The following TRPC4 variants were observed in gnomAD, a reference collection of about 807,000 sequenced individuals.
The protein encoded by TRPC4 is transient receptor potential cation channel subfamily C member 4, also known as short transient receptor potential channel 4.
TRPC4 carries 49 observed loss-of-function variants against 99.4 expected under a neutral mutation model. The observed-to-expected ratio is 0.49, with a 90% CI of 0.39 to 0.63. TRPC4 has a LOEUF of 0.63. Among genes scored for constraint, TRPC4 ranks in the 20% least tolerant of loss-of-function variants. The pLI, the probability that TRPC4 is intolerant of heterozygous loss-of-function variation, is 0.00. For synonymous variants in TRPC4, 454 were observed against 425.9 expected, an observed-to-expected ratio of 1.07 and a Z score of -0.81; for missense variants, 898 against 1,152.9, an observed-to-expected ratio of 0.78 and a Z score of 3.20.
At chr13:37,862,993 T>G (rs1959486467) in intron 1 of TRPC4, among the ~76,000 whole-genome samples, 1 of 151,516 alleles carries the variant, frequency 6.6e-6, no homozygotes, top group Non-Finnish European at 1.5e-5. Flanking sequence ...ATACCTACCA[T>G]TGTATATTTA....
chr13:37,781,004 T>C (rs901559505), intron 2 of TRPC4, among the ~76,000 whole-genome samples: 2 of 152,038 alleles, frequency 1.3e-5, no homozygotes, highest in African/African-American at 2.4e-5. Flanking sequence ...CTTTTATTAA[T>C]AATCAGGATC....
chr13:37,767,439 T>A (rs1467738635), intron 2 of TRPC4, among the ~76,000 whole-genome samples: 1 of 151,322 alleles, frequency 6.6e-6, no homozygotes, highest in Non-Finnish European at 1.5e-5. Flanking sequence ...AATACAGACT[T>A]GTATAGAATA....
At chr13:37,644,728 C>T (rs776962589) in intron 8 of TRPC4, among the ~76,000 whole-genome samples, 7 of 151,794 alleles carry the variant, frequency 4.6e-5, no homozygotes, top group Non-Finnish European at 7.4e-5. Flanking sequence ...AAAAAATTTG[C>T]CAGGTGTGGT....
rs1951517824 is a variant in TRPC4, at chr13:37,636,313, AC to A, written c.*589del. On this transcript the variant is annotated 3_prime_UTR_variant, in exon 11 of 11. Coordinates refer to ENST00000379705, the MANE Select transcript of TRPC4 (RefSeq NM_016179.4). ...AAAGGAAACCCTGGAACAACCTAAA[AC>A]ACTACAAAGTTTTTCTGAATTTGAG... Among the ~76,000 whole-genome samples, 1 of 152,096 alleles carries A rather than the reference AC, an allele frequency of 6.6e-6. No individual in the cohort carries two copies. The highest frequency in any genetic ancestry group is 1.5e-5 in the Non-Finnish European group (1 of 68,002).
intron 3 of TRPC4, among the ~76,000 whole-genome samples, chr13:37,718,171 A>G (rs1281971017): frequency 6.6e-6 from 1 of 152,122 alleles, no homozygotes; most frequent in Non-Finnish European, 1.5e-5. Context: ...AATTCTCTGC[A>G]GAATCCTGAG....
rs1244453891 is a variant in TRPC4 at position 37,637,488 on chromosome 13, G to T, written c.2349C>A (p.Ser783Arg). ...TTTTCTTGTCCTTGCTATTACCTTC[G>T]CTATCACTCTTTTCATCTGAGTCTG... ...NSADSDEKSD[S>R]EGNSKDKKKN... The change falls in exon 11 of 11, where the codon AGC (serine) becomes AGA (arginine). Residue 783 changes from serine (S) to arginine (R), a missense_variant. Ser to Arg is a moderately radical substitution (Grantham distance 110). Transcript: ENST00000379705. 1 of 1,613,618 alleles carries T rather than the reference G, an allele frequency of 6.2e-7. No individual in the cohort carries two copies. Among genetic ancestry groups the T allele is most frequent in the South Asian group, 1.1e-5 (1 of 91,062 alleles).
chr13:37,723,775 G>A (rs1208487173), intron 3 of TRPC4, among the ~76,000 whole-genome samples: 4 of 152,056 alleles, frequency 2.6e-5, no homozygotes, highest in Non-Finnish European at 5.9e-5. Flanking sequence ...GGCTGGTCTT[G>A]AACTCCTAAA....
chr13:37,638,529 T>A (rs1951606415), intron 10 of TRPC4, among the ~76,000 whole-genome samples: 1 of 152,170 alleles, frequency 6.6e-6, no homozygotes, highest in Non-Finnish European at 1.5e-5. Flanking sequence ...CACTCAATAA[T>A]TTTAAACTAA....
At chr13:37,824,454 C>T (rs528117877) in intron 1 of TRPC4, among the ~76,000 whole-genome samples, 15 of 152,134 alleles carry the variant, frequency 9.9e-5, no homozygotes, top group African/African-American at 3.4e-4. Flanking sequence ...CCCATCAATA[C>T]CTAATTTATT....
At chr13:37,650,861 G>A (rs1448445495) in intron 8 of TRPC4, among the ~76,000 whole-genome samples, 2 of 152,156 alleles carry the variant, frequency 1.3e-5, no homozygotes, top group African/African-American at 4.8e-5. Flanking sequence ...CAAAGCACGT[G>A]CCCTTCCCTC....
chr13:37,661,525 C>A (rs1593457308), intron 6 of TRPC4, among the ~76,000 whole-genome samples: 2 of 152,098 alleles, frequency 1.3e-5, no homozygotes, highest in Non-Finnish European at 2.9e-5. Context: ...TTCTGGAAGG[C>A]AAAGGAGGAA....
intron 7 of TRPC4, among the ~76,000 whole-genome samples, chr13:37,653,961 T>A (rs547460033): frequency 6.6e-6 from 1 of 152,180 alleles, no homozygotes; most frequent in Non-Finnish European, 1.5e-5. Context: ...CGTAAGATGC[T>A]TAAATGAAAT....
At chr13:37,844,861 G>A (rs753830945) in intron 1 of TRPC4, among the ~76,000 whole-genome samples, 4 of 152,122 alleles carry the variant, frequency 2.6e-5, no homozygotes, top group Admixed American at 6.5e-5. Context: ...GCCTACTTCT[G>A]TGACCAAGCA....
At chr13:37,705,913 C>T (rs894733869) in intron 3 of TRPC4, among the ~76,000 whole-genome samples, 2 of 151,662 alleles carry the variant, frequency 1.3e-5, no homozygotes, top group African/African-American at 2.4e-5. Flanking sequence ...TATACTGATA[C>T]ATTTGCCTGG....
intron 1 of TRPC4, among the ~76,000 whole-genome samples, chr13:37,816,696 T>C (rs1455844960): frequency 6.6e-6 from 1 of 151,910 alleles, no homozygotes; most frequent in Admixed American, 6.6e-5. Flanking sequence ...GTAGGCTTTA[T>C]CCCTAGGATG....
chr13:37,768,993 G>A (rs535478731), intron 2 of TRPC4, among the ~76,000 whole-genome samples: 1 of 151,334 alleles, frequency 6.6e-6, no homozygotes, highest in East Asian at 2.0e-4. Flanking sequence ...AGATCATGGT[G>A]GTTCACATTT....
intron 2 of TRPC4, among the ~76,000 whole-genome samples, chr13:37,756,557 G>A (rs1956102613): frequency 7.0e-6 from 1 of 141,922 alleles, no homozygotes; most frequent in South Asian, 2.2e-4. Context: ...TTCTGAGGTA[G>A]AGTCTTGCCC....
Position 37,749,403 on chromosome 13 carries a change from T to G in TRPC4, c.379-2948A>C, listed in dbSNP as rs139739417. On this transcript the variant is annotated intron_variant, in intron 2 of 10. Coordinates refer to ENST00000379705, the MANE Select transcript of TRPC4 (RefSeq NM_016179.4). Reference sequence around the variant, plus strand: ...TAACATTATATGTTGTCTTTACCATTAATTGCCTGGCACCCAGCTGGTCAT... The same window carrying G: ...TAACATTATATGTTGTCTTTACCATGAATTGCCTGGCACCCAGCTGGTCAT... Among the ~76,000 whole-genome samples, 441 of 152,244 alleles carry G rather than the reference T, an allele frequency of 2.9e-3. 3 individuals carry two copies. The highest frequency in any genetic ancestry group is 0.01 in the African/African-American group (420 of 41,568).
intron 4 of TRPC4, among the ~76,000 whole-genome samples, chr13:37,686,981 T>C (rs1953503836): frequency 6.6e-6 from 1 of 152,098 alleles, no homozygotes; most frequent in African/African-American, 2.4e-5. Flanking sequence ...TCTTTTTTTT[T>C]TGAGATGGAG....
Sources: gnomAD v4.1 joint callset for allele counts (sites outside exome capture counted in the v4.1 genomes callset) on GRCh38, gnomAD v4.1.1 for gene constraint, MANE v1.5 for transcripts, NCBI Gene and HGNC (gene_info 2026-07-23, HGNC 2026-07-21) for gene names.